Variants in GAK observed in about 807,000 individuals in gnomAD.
GAK encodes cyclin-G-associated kinase.
GAK carries 79 observed loss-of-function variants against 143.9 expected under a neutral mutation model. The ratio of observed to expected loss-of-function variants is 0.55; its 90% CI spans 0.46 to 0.66. The LOEUF is 0.66. Ranked by LOEUF, GAK falls within the 30% of genes least tolerant of loss-of-function variation. GAK has a pLI of 0.00. For synonymous variants in GAK, 881 were observed against 765.5 expected, an observed-to-expected ratio of 1.15 and a Z score of -2.49; for missense variants, 1,693 against 1,779.7, an observed-to-expected ratio of 0.95 and a Z score of 0.88.
chr4:904,854 G>A (rs541771691), intron 4 of GAK, 75 bp from the exon 5 acceptor site: 78 of 1,456,074 alleles, frequency 5.4e-5, no homozygotes, highest in Non-Finnish European at 6.5e-5. Context: ...TGTTTCACGC[G>A]GACTTCCCAG....
chr4:904,870 A>C (rs892468400), intron 4 of GAK, 91 bp from the exon 5 acceptor site: 1 of 1,313,342 alleles, frequency 7.6e-7, no homozygotes, highest in African/African-American at 1.5e-5. Flanking sequence ...CCCAGAACTA[A>C]ATGGAAAGGA....
chr4:932,113 C>A lies in GAK; in HGVS notation c.75G>T (p.Gln25His), dbSNP rs767888580. The A allele has an allele frequency of 4.4e-6, 7 of 1,597,520 alleles. No homozygotes were observed. The change falls in exon 1 of 28, where the codon CAG becomes CAT. Residue 25 changes from glutamine (Q) to histidine (H), a missense_variant. Transcript: ENST00000314167. The surrounding 1 kb of genome is among the most constrained non-coding windows in gnomAD (Gnocchi z 4.0). ...CCACCGTCTGCCCCACGAAGTCACT[C>A]TGGTCGCGGCCGGAAGCACCGCCCA... ...GSLGGASGRD[Q>H]SDFVGQTVEL...
chr4:862,263 TAA>T (rs1750425973), intron 23 of GAK, among the ~76,000 whole-genome samples: 1 of 146,838 alleles, frequency 6.8e-6, no homozygotes, highest in Non-Finnish European at 1.5e-5. Context: ...CATGCAGATA[TAA>T]GACGGCCTAA....
At chr4:851,121 G>A in intron 25 of GAK, 37 bp from the exon 26 acceptor site, 1 of 1,586,720 alleles carries the variant, frequency 6.3e-7, no homozygotes, top group Non-Finnish European at 8.6e-7. Context: ...GTTTGAGACA[G>A]GGTCTCCACT....
chr4:893,617 A>G, intron 8 of GAK, 128 bp from the exon 9 acceptor site: 1 of 733,688 alleles, frequency 1.4e-6, no homozygotes. Flanking sequence ...CAGAAGCAAG[A>G]AGGGAGCGGC....
rs577238936 is a variant in GAK at position 884,179 on chromosome 4, C to T, written c.1206-93G>A. 1.1e-4 allele frequency: 127 copies of T among 1,122,666 alleles called. 1 individual carries two copies. The highest frequency in any genetic ancestry group is 8.5e-4 in the South Asian group (65 of 76,374). The allele number at this position is 1,122,666 out of a possible 1,614,324, so 69.5% of individuals were successfully genotyped here. A position where few individuals can be genotyped will look rare whatever the true frequency, so the allele number is the denominator to read the frequency against. ...GCCAGAGCCCGAGGCCTGGAGAAGC[C>T]GTGGGGCTCTCACTGTAGAGGCCGC... On this transcript the variant is annotated intron_variant, in intron 11 of 27. Transcript: ENST00000314167.
chr4:876,518 G>T lies in GAK; in HGVS notation c.2054+12C>A, dbSNP rs753498500. Reference sequence around the variant, plus strand: ...TGTCCCTCCCCACCGAGCACAAGCGGTACCAACGTACTTGGCAAATTTCAC... The same window carrying T: ...TGTCCCTCCCCACCGAGCACAAGCGTTACCAACGTACTTGGCAAATTTCAC... On this transcript the variant is annotated intron_variant, in intron 18 of 27. Transcript: ENST00000314167. 1 of 1,612,472 alleles carries T rather than the reference G, an allele frequency of 6.2e-7. No homozygotes were observed.
At chr4:875,661 A>G (rs1253585315) in intron 18 of GAK, among the ~76,000 whole-genome samples, 1 of 152,226 alleles carries the variant, frequency 6.6e-6, no homozygotes, top group Non-Finnish European at 1.5e-5. Flanking sequence ...CTTGGCAGAT[A>G]AGCCTGCCTG....
intron 4 of GAK, among the ~76,000 whole-genome samples, chr4:909,231 C>T (rs773581690): frequency 6.6e-6 from 1 of 152,266 alleles, no homozygotes; most frequent in African/African-American, 2.4e-5. Flanking sequence ...GCGGGAGGCC[C>T]CACGGCGTGA....
intron 26 of GAK, chr4:850,402 C>G (rs1049109736): frequency 3.4e-5 from 9 of 267,810 alleles, no homozygotes; most frequent in South Asian, 1.1e-4. Context: ...GGGGATGGTC[C>G]CTGGTGCCTG....
At chr4:897,268 C>T (rs1718985358) in intron 6 of GAK, among the ~76,000 whole-genome samples, 1 of 152,180 alleles carries the variant, frequency 6.6e-6, no homozygotes, top group Non-Finnish European at 1.5e-5. Context: ...CGGCCTTGGG[C>T]AGGCCACAAT....
intron 4 of GAK, among the ~76,000 whole-genome samples, chr4:907,716 CCCTGAA>C (rs1409131320): frequency 6.6e-6 from 1 of 152,222 alleles, no homozygotes; most frequent in African/African-American, 2.4e-5. Context: ...CTCCAGTGAG[CCCTGAA>C]CCTGCAGCTG....
chr4:897,988 G>A (rs369485090), intron 6 of GAK, 45 bp downstream of exon 6: 16 of 1,581,780 alleles, frequency 1.0e-5, no homozygotes, highest in Non-Finnish European at 1.4e-5. Flanking sequence ...GGCGTGGAAT[G>A]TGGGAAGGGC....
intron 24 of GAK, among the ~76,000 whole-genome samples, chr4:856,863 C>T (rs1208134576): frequency 6.6e-6 from 1 of 152,262 alleles, no homozygotes; most frequent in Non-Finnish European, 1.5e-5. Flanking sequence ...GTGTGAGCCA[C>T]TCCGCCTGGC....
intron 23 of GAK, among the ~76,000 whole-genome samples, chr4:862,149 G>A (rs1335549856): frequency 2.8e-5 from 4 of 143,034 alleles, no homozygotes; most frequent in African/African-American, 1.1e-4. Flanking sequence ...ACTGACGAAG[G>A]GGCTGCACCC....
intron 19 of GAK, among the ~76,000 whole-genome samples, chr4:870,502 C>T (rs1347386220): frequency 2.0e-5 from 3 of 152,220 alleles, no homozygotes; most frequent in African/African-American, 7.2e-5. Flanking sequence ...TCAGAAATTG[C>T]AGCCTGCGAG....
rs79988893 is a variant in GAK, at chr4:875,612, C to A, written c.2054+918G>T. ...TCTGTCTTGGGAGCCCCCGTGGGTG[C>A]CCCCTCTGACTCCTGGAACAATGTT... On this transcript the variant is annotated intron_variant, in intron 18 of 27. Coordinates refer to ENST00000314167, the MANE Select transcript of GAK (RefSeq NM_005255.4). Among the ~76,000 whole-genome samples the A allele has an allele frequency of 2.1e-3, 313 of 152,326 alleles. 3 individuals are homozygous for A. The highest frequency in any genetic ancestry group is 6.7e-3 in the African/African-American group (279 of 41,592).
At chr4:865,045 C>T (rs1750913732) in intron 23 of GAK, 77 bp downstream of exon 23, 1 of 1,547,694 alleles carries the variant, frequency 6.5e-7, no homozygotes, top group Non-Finnish European at 8.7e-7. Context: ...GGCCCTGTTA[C>T]AGGTACGTGT....
At chr4:917,673 C>A (rs535138856) in intron 1 of GAK, among the ~76,000 whole-genome samples, 1 of 152,216 alleles carries the variant, frequency 6.6e-6, no homozygotes, top group Non-Finnish European at 1.5e-5. Context: ...GGAGGGAGAC[C>A]GTGGCGCTGA....
Sources: allele counts gnomAD v4.1 joint callset (sites outside exome capture counted in the v4.1 genomes callset), GRCh38; gene constraint gnomAD v4.1.1; non-coding constraint Gnocchi (gnomAD v3.1); transcripts MANE v1.5; gene names NCBI Gene and HGNC (gene_info 2026-07-23, HGNC 2026-07-21).